Variants in LIPK observed in about 807,000 individuals in gnomAD.
The protein encoded by LIPK is lipase member K.
Under a neutral mutation model 48.6 loss-of-function variants are expected in LIPK, and 32 were observed. The ratio of observed to expected loss-of-function variants is 0.66; its 90% CI spans 0.50 to 0.88. The LOEUF (loss-of-function observed/expected upper bound fraction) is 0.88. Ranked by LOEUF, LIPK falls within the 40% of genes least tolerant of loss-of-function variation. The pLI is 0.00. For synonymous variants in LIPK, 164 were observed against 157.4 expected, an observed-to-expected ratio of 1.04 and a Z score of -0.32; for missense variants, 507 against 478.5, an observed-to-expected ratio of 1.06 and a Z score of -0.56.
chr10:88,743,673 G>A (rs1022209907), intron 9 of LIPK, among the ~76,000 whole-genome samples: 14 of 152,120 alleles, frequency 9.2e-5, no homozygotes, highest in African/African-American at 3.4e-4. Context: ...CAAGAAGATT[G>A]GAACACTCTG....
intron 1 of LIPK, among the ~76,000 whole-genome samples, chr10:88,720,652 AGT>A (rs1842204443): frequency 6.6e-6 from 1 of 152,066 alleles, no homozygotes; most frequent in Non-Finnish European, 1.5e-5. Context: ...CATTTATATA[AGT>A]GTATCCAGAT....
At chr10:88,742,767 A>G (rs1353714457) in intron 8 of LIPK, among the ~76,000 whole-genome samples, 9 of 150,256 alleles carry the variant, frequency 6.0e-5, no homozygotes, top group African/African-American at 2.3e-4. Context: ...TTAATAGTAA[A>G]AAAAAAAAGT....
At chr10:88,728,638 A>G in intron 3 of LIPK, 1 of 490,048 alleles carries the variant, frequency 2.0e-6, no homozygotes, top group East Asian at 5.9e-5. Context: ...AGCGCCACCT[A>G]CAGGAAGCTG....
chr10:88,730,111 T>A (rs1289626609), intron 3 of LIPK, among the ~76,000 whole-genome samples: 1 of 152,230 alleles, frequency 6.6e-6, no homozygotes, highest in East Asian at 1.9e-4. Context: ...CTATAAAACT[T>A]AGCATAGTGC....
At chr10:88,713,671 T>C (rs1842064339) in intron 1 of LIPK, among the ~76,000 whole-genome samples, 2 of 152,192 alleles carry the variant, frequency 1.3e-5, no homozygotes. Context: ...CTGGGCGTGG[T>C]GGCTCACACC....
At chr10:88,709,219 A>G (rs979682456) in intron 1 of LIPK, among the ~76,000 whole-genome samples, 31 of 152,194 alleles carry the variant, frequency 2.0e-4, no homozygotes, top group African/African-American at 6.8e-4. Flanking sequence ...ACATAATGCC[A>G]CAATTTTTTG....
intron 6 of LIPK, among the ~76,000 whole-genome samples, chr10:88,735,222 C>T (rs764173849): frequency 2.0e-5 from 3 of 152,180 alleles, no homozygotes; most frequent in African/African-American, 2.4e-5. Context: ...TTGAGAAATT[C>T]ATTCATCCAT....
At position 88,740,014 on chromosome 10, in the gene LIPK, T is replaced by A. The variant is rs1842648853; in HGVS notation, c.835T>A (p.Leu279Met). 1 of 1,612,586 alleles carries A rather than the reference T, an allele frequency of 6.2e-7. No individual in the cohort carries two copies. Among genetic ancestry groups the A allele is most frequent in the East Asian group, 2.2e-5 (1 of 44,814 alleles). ...TTTGCAGAGTCGCTTGGATGTTTAT[T>A]TGTCACACAATCCTGCGGGAACATC... ...NLNMSRLDVY[L>M]SHNPAGTSVQ... The change falls in exon 8 of 10, where the codon TTG becomes ATG. Residue 279 changes from leucine to methionine, a missense_variant. By Grantham distance (15) the Leu-to-Met change is conservative. Coordinates refer to ENST00000404190, the MANE Select transcript of LIPK (RefSeq NM_001080518.2).
intron 9 of LIPK, among the ~76,000 whole-genome samples, chr10:88,746,314 G>T (rs1047468815): frequency 2.6e-5 from 4 of 151,932 alleles, no homozygotes. Context: ...CCCAATAACA[G>T]CAGAATACAT....
intron 8 of LIPK, among the ~76,000 whole-genome samples, chr10:88,742,667 C>G (rs916395434): frequency 6.6e-6 from 1 of 152,166 alleles, no homozygotes; most frequent in Admixed American, 6.5e-5. Context: ...ATGCACATCA[C>G]AGCAGGTGGC....
intron 8 of LIPK, among the ~76,000 whole-genome samples, 188 bp from the exon 9 acceptor site, chr10:88,743,061 TG>T (rs1382797622): frequency 6.6e-6 from 1 of 152,208 alleles, no homozygotes; most frequent in Non-Finnish European, 1.5e-5. Context: ...AGTAAAAGAT[TG>T]TACCAATTCT....
intron 1 of LIPK, among the ~76,000 whole-genome samples, chr10:88,709,692 G>C (rs1056535797): frequency 4.6e-5 from 7 of 151,450 alleles, no homozygotes; most frequent in Non-Finnish European, 7.4e-5. Context: ...AAATGCCCTT[G>C]GAAAGGGACT....
rs751024874 is a variant in LIPK, at chr10:88,737,679, C to T, written c.714C>T (p.Asp238=). 4.3e-6 allele frequency: 7 copies of T among 1,613,696 alleles called. No homozygotes were observed. Among genetic ancestry groups the T allele is most frequent in the Non-Finnish European group, 5.9e-6 (7 of 1,179,762 alleles). The change falls in exon 7 of 10, where the codon GAC becomes GAT. Residue 238 remains aspartate, a synonymous_variant. Transcript: ENST00000404190. Reference sequence around the variant, plus strand: ...TGTTCCACCCTCATACATTGTTTGACCAATTCATTGCCACCAAAGTGTGCA... The same window carrying T: ...TGTTCCACCCTCATACATTGTTTGATCAATTCATTGCCACCAAAGTGTGCA... ...DKMFHPHTLF[D]QFIATKVCNR...
At chr10:88,706,422 T>C (rs1041390991) in intron 1 of LIPK, among the ~76,000 whole-genome samples, 102 bp downstream of exon 1, 3 of 152,178 alleles carry the variant, frequency 2.0e-5, no homozygotes, top group Non-Finnish European at 4.4e-5. Context: ...TGATGAATAT[T>C]GTATTTTGAT....
At chr10:88,739,544 C>A (rs527855529) in intron 7 of LIPK, among the ~76,000 whole-genome samples, 22 of 152,186 alleles carry the variant, frequency 1.4e-4, no homozygotes, top group African/African-American at 5.3e-4. Context: ...TTATATGGTA[C>A]ATGTTTTTTC....
At chr10:88,740,913 T>C (rs983231916) in intron 8 of LIPK, among the ~76,000 whole-genome samples, 5 of 152,150 alleles carry the variant, frequency 3.3e-5, no homozygotes, top group African/African-American at 9.7e-5. Context: ...TGGTGAGGAT[T>C]TCCAAAATAC....
At chr10:88,708,365 C>A (rs1483539828) in intron 1 of LIPK, among the ~76,000 whole-genome samples, 1 of 151,946 alleles carries the variant, frequency 6.6e-6, no homozygotes, top group Admixed American at 6.6e-5. Context: ...TTCCCAGTGA[C>A]CAAATATAAC....
In LIPK at chr10:88,752,516, G is replaced by A; in HGVS notation, c.961-1G>A. 1 of 1,537,274 alleles carries A rather than the reference G, an allele frequency of 6.5e-7. No individual in the cohort carries two copies. Among genetic ancestry groups the A allele is most frequent in the Non-Finnish European group, 8.8e-7 (1 of 1,132,856 alleles). On this transcript the variant is annotated splice_acceptor_variant, in intron 9 of 9. Transcript: ENST00000404190. LOFTEE classifies it high-confidence loss of function. The stretch of plus-strand genomic sequence containing the variant: ...TTCTCTCTCTCTTTTATTGTATTTA[G>A]CTTACACCTCCTTTATACAACATTA...
chr10:88,708,872 C>T (rs1285083324), intron 1 of LIPK, among the ~76,000 whole-genome samples: 1 of 152,012 alleles, frequency 6.6e-6, no homozygotes, highest in Non-Finnish European at 1.5e-5. Flanking sequence ...TTATTCTCTG[C>T]AACTAAAAGG....
Sources: gnomAD v4.1 joint callset for allele counts (sites outside exome capture counted in the v4.1 genomes callset) on GRCh38, gnomAD v4.1.1 for gene constraint, MANE v1.5 for transcripts, NCBI Gene and HGNC (gene_info 2026-07-23, HGNC 2026-07-21) for gene names.